GLIS1: variants seen among roughly 807,000 people sequenced by gnomAD.
GLIS1 encodes zinc finger protein GLIS1.
A neutral mutation model predicts 63.8 loss-of-function variants in GLIS1; 24 were observed. That is an observed-to-expected ratio of 0.38 (90% CI 0.27 to 0.53). The LOEUF is 0.53. GLIS1 is among the 20% of genes least tolerant of loss of function. GLIS1 has a pLI of 0.85. For missense variants in GLIS1, 1,036 were observed against 1,074.1 expected (o/e 0.96, Z 0.50); for synonymous variants, 450 against 482.5 (o/e 0.93, Z 0.88).
Position 53,638,372 on chromosome 1 carries a change from C to T in GLIS1, c.260-38094G>A, listed in dbSNP as rs528562126. On this transcript the variant is annotated intron_variant, in intron 2 of 10. Transcript: ENST00000628545. ...CTGCAGGAAACCAAGCTGAGCAAAA[C>T]AGACACTGGCCCCAAGGGGCAGGCC... 1.2e-4 allele frequency among the ~76,000 whole-genome samples: 18 copies of T among 148,196 alleles called. 1 individual carries two copies. In the South Asian group the frequency reaches 3.7e-3, roughly 30 times the overall value.
intron 2 of GLIS1, among the ~76,000 whole-genome samples, chr1:53,661,077 T>G (rs571774372): frequency 3.9e-5 from 6 of 152,178 alleles, no homozygotes; most frequent in Non-Finnish European, 8.8e-5. Context: ...TACACATCCA[T>G]GTATGTATGT....
intron 10 of GLIS1, among the ~76,000 whole-genome samples, chr1:53,507,990 C>T (rs1024418836): frequency 2.6e-5 from 4 of 151,852 alleles, no homozygotes; most frequent in Non-Finnish European, 4.4e-5. Context: ...ACGTCTATCC[C>T]GCGTGGACAC....
intron 2 of GLIS1, among the ~76,000 whole-genome samples, chr1:53,648,614 G>A (rs1007721565): frequency 6.6e-6 from 1 of 152,184 alleles, no homozygotes; most frequent in African/African-American, 2.4e-5. Flanking sequence ...ATGCTCGACA[G>A]CAGTGGAAAA....
At chr1:53,643,693 C>T (rs767315338) in intron 2 of GLIS1, among the ~76,000 whole-genome samples, 2 of 152,194 alleles carry the variant, frequency 1.3e-5, no homozygotes, top group Non-Finnish European at 2.9e-5. Context: ...CATGAGCGAA[C>T]GGCGGGAGGG....
At chr1:53,624,496 C>T (rs1439236988) in intron 2 of GLIS1, among the ~76,000 whole-genome samples, 1 of 151,798 alleles carries the variant, frequency 6.6e-6, no homozygotes, top group Non-Finnish European at 1.5e-5. Context: ...AAGCAGGAAA[C>T]ATTTTAAGAG....
chr1:53,723,430 C>T (rs1646776397), intron 2 of GLIS1, among the ~76,000 whole-genome samples: 2 of 151,802 alleles, frequency 1.3e-5, no homozygotes, highest in Non-Finnish European at 2.9e-5. Flanking sequence ...TGACAGTGTT[C>T]GCCATGTTGA....
intron 2 of GLIS1, among the ~76,000 whole-genome samples, chr1:53,700,192 C>A (rs763822999): frequency 1.3e-5 from 2 of 152,182 alleles, no homozygotes; most frequent in Admixed American, 1.3e-4. Context: ...CCTGGAGGAA[C>A]CAGCAGACGA....
chr1:53,577,571 G>T (rs1230214014), intron 4 of GLIS1, among the ~76,000 whole-genome samples: 1 of 152,192 alleles, frequency 6.6e-6, no homozygotes, highest in Non-Finnish European at 1.5e-5. Flanking sequence ...GCAGGGTCCA[G>T]CCCCTATCCA....
chr1:53,687,903 T>A (rs1188522324), intron 2 of GLIS1, among the ~76,000 whole-genome samples: 2 of 152,166 alleles, frequency 1.3e-5, no homozygotes, highest in Non-Finnish European at 2.9e-5. Context: ...GGGGAGCTGG[T>A]GGCGTCCACC....
intron 2 of GLIS1, among the ~76,000 whole-genome samples, chr1:53,636,735 T>C (rs1645724957): frequency 6.6e-6 from 1 of 152,136 alleles, no homozygotes; most frequent in Non-Finnish European, 1.5e-5. Context: ...GTCTACCTGC[T>C]CCCTCACTCA....
intron 2 of GLIS1, among the ~76,000 whole-genome samples, chr1:53,721,557 GC>G (rs1330932164): frequency 6.6e-6 from 1 of 152,174 alleles, no homozygotes; most frequent in Non-Finnish European, 1.5e-5. Context: ...CACACCTGGT[GC>G]CCCCTGAAGG....
chr1:53,702,897 G>A lies in GLIS1; in HGVS notation c.259+34909C>T, dbSNP rs531769573. Among the ~76,000 whole-genome samples, 20 of 152,310 alleles carry A rather than the reference G, an allele frequency of 1.3e-4. No homozygotes were observed. In the South Asian group the frequency reaches 1.5e-3, roughly 11 times the overall value. On this transcript the variant is annotated intron_variant, in intron 2 of 10. Transcript: ENST00000628545. Reference sequence around the variant, plus strand: ...TGGGAGCATGGCACTGAAGGCCACCGTGGCCTGTCCTCATGAGGGGGTTCT... The same window carrying A: ...TGGGAGCATGGCACTGAAGGCCACCATGGCCTGTCCTCATGAGGGGGTTCT...
At chr1:53,709,384 A>G (rs1646618880) in intron 2 of GLIS1, among the ~76,000 whole-genome samples, 1 of 42,954 alleles carries the variant, frequency 2.3e-5, no homozygotes, top group Non-Finnish European at 4.3e-5. Flanking sequence ...ATACATATAT[A>G]CATATATATA....
chr1:53,617,221 G>A (rs1017535031), intron 2 of GLIS1, among the ~76,000 whole-genome samples: 5 of 151,640 alleles, frequency 3.3e-5, no homozygotes, highest in Non-Finnish European at 5.9e-5. Context: ...ATGACTGGGA[G>A]TACTTGTCAT....
chr1:53,710,171 C>T (rs185860105), intron 2 of GLIS1, among the ~76,000 whole-genome samples: 1 of 152,340 alleles, frequency 6.6e-6, no homozygotes, highest in East Asian at 1.9e-4. Context: ...CTCTCCCAAG[C>T]CCCCCAAACA....
intron 2 of GLIS1, among the ~76,000 whole-genome samples, chr1:53,722,640 A>G (rs895265876): frequency 6.6e-6 from 1 of 152,126 alleles, no homozygotes; most frequent in South Asian, 2.1e-4. Flanking sequence ...CAGGAATTCA[A>G]GACCAGCCTG....
chr1:53,639,406 T>G lies in GLIS1; in HGVS notation c.260-39128A>C, dbSNP rs1645762166. 6.6e-6 allele frequency among the ~76,000 whole-genome samples: 1 copy of G among 152,002 alleles called. No individual in the cohort carries two copies. On this transcript the variant is annotated intron_variant, in intron 2 of 10. Coordinates refer to ENST00000628545, the MANE Select transcript of GLIS1 (RefSeq NM_001367484.1). This position sits in a 1 kb window ranked among gnomAD's most constrained non-coding sequence, Gnocchi z 4.6. ...GCAGCAGCCGTCTGGGAGGCTGGAC[T>G]GAGCCGCCACTCTGAGAACGCCTGT...
chr1:53,508,757 C>T (rs1170976384), intron 10 of GLIS1, among the ~76,000 whole-genome samples: 2 of 152,186 alleles, frequency 1.3e-5, no homozygotes, highest in Non-Finnish European at 2.9e-5. Context: ...AGGATTTGTT[C>T]ATTCCCTGCT....
intron 2 of GLIS1, among the ~76,000 whole-genome samples, chr1:53,682,394 G>C (rs895634704): frequency 6.6e-6 from 1 of 151,530 alleles, no homozygotes; most frequent in Non-Finnish European, 1.5e-5. Context: ...ACATTCTGGT[G>C]GGGGAATGGC....
Sources: gnomAD v4.1 joint callset for allele counts (sites outside exome capture counted in the v4.1 genomes callset) on GRCh38, gnomAD v4.1.1 for gene constraint, Gnocchi (gnomAD v3.1) non-coding constraint, MANE v1.5 for transcripts, NCBI Gene and HGNC (gene_info 2026-07-23, HGNC 2026-07-21) for gene names.